Variants in PRKG1 observed in about 807,000 individuals in gnomAD.
PRKG1 encodes the protein cGMP-dependent protein kinase 1.
A neutral mutation model predicts 88.1 loss-of-function variants in PRKG1; 35 were observed. The observed-to-expected ratio is 0.40, with a 90% CI of 0.30 to 0.53. The LOEUF (loss-of-function observed/expected upper bound fraction) is 0.53, where lower values mean the gene tolerates loss of function less well. PRKG1 is among the 20% of genes least tolerant of loss of function. PRKG1 has a pLI of 0.59. For synonymous variants in PRKG1, 303 were observed against 292.5 expected, an observed-to-expected ratio of 1.04 and a Z score of -0.37; for missense variants, 540 against 839.8, an observed-to-expected ratio of 0.64 and a Z score of 4.41.
intron 9 of PRKG1, among the ~76,000 whole-genome samples, chr10:52,178,793 C>G (rs1838935337): frequency 6.6e-6 from 1 of 151,996 alleles, no homozygotes; most frequent in East Asian, 1.9e-4. Flanking sequence ...CTTGTTTTGT[C>G]TGATGTAACT....
intron 5 of PRKG1, among the ~76,000 whole-genome samples, chr10:51,925,943 A>T (rs568988902): frequency 6.6e-6 from 1 of 152,274 alleles, no homozygotes; most frequent in African/African-American, 2.4e-5. Context: ...TACTTTTTAA[A>T]AAATATAAAA....
chr10:51,958,439 G>A (rs1843364982), intron 5 of PRKG1, among the ~76,000 whole-genome samples: 1 of 152,114 alleles, frequency 6.6e-6, no homozygotes, highest in Non-Finnish European at 1.5e-5. Context: ...AAGATTCAGA[G>A]GGATACAGAT....
chr10:51,818,589 A>G (rs1173199666), intron 4 of PRKG1, among the ~76,000 whole-genome samples: 2 of 152,140 alleles, frequency 1.3e-5, no homozygotes, highest in African/African-American at 4.8e-5. Flanking sequence ...ACACTATACA[A>G]TGTGTTTGAT....
At chr10:51,006,631 G>C (rs1372568317) in intron 1 of PRKG1, among the ~76,000 whole-genome samples, 2 of 152,160 alleles carry the variant, frequency 1.3e-5, no homozygotes, top group Non-Finnish European at 2.9e-5. Context: ...CTCTGACATA[G>C]GTCATATTTA....
chr10:51,208,390 G>T (rs1485501838), intron 2 of PRKG1, among the ~76,000 whole-genome samples: 1 of 152,184 alleles, frequency 6.6e-6, no homozygotes, highest in Admixed American at 6.5e-5. Context: ...AGGTTCTGGG[G>T]ATTCATACTG....
At chr10:51,239,482 T>C (rs371417474) in intron 2 of PRKG1, among the ~76,000 whole-genome samples, 2 of 152,158 alleles carry the variant, frequency 1.3e-5, no homozygotes, top group African/African-American at 2.4e-5. Flanking sequence ...AATGGCTAAA[T>C]AGAGGTATTA....
At chr10:51,220,138 A>C (rs984376042) in intron 2 of PRKG1, among the ~76,000 whole-genome samples, 1 of 152,206 alleles carries the variant, frequency 6.6e-6, no homozygotes, top group African/African-American at 2.4e-5. Flanking sequence ...GGAACAATAC[A>C]AGAAGAAATA....
intron 5 of PRKG1, among the ~76,000 whole-genome samples, chr10:52,040,578 GTTATA>G (rs1409226682): frequency 1.3e-5 from 2 of 152,108 alleles, no homozygotes; most frequent in Non-Finnish European, 2.9e-5. Flanking sequence ...ACTCTTAGTC[GTTATA>G]TTATGTTAGT....
chr10:51,473,113 T>C (rs998672865), intron 3 of PRKG1, among the ~76,000 whole-genome samples: 5 of 151,928 alleles, frequency 3.3e-5, no homozygotes, highest in African/African-American at 1.2e-4. Flanking sequence ...TTAGACAATA[T>C]TCTTCTTAGT....
intron 3 of PRKG1, among the ~76,000 whole-genome samples, chr10:51,690,777 T>A (rs1841116739): frequency 6.6e-6 from 1 of 151,554 alleles, no homozygotes; most frequent in African/African-American, 2.4e-5. Flanking sequence ...AATACAAAAA[T>A]TAGCTGGGTG....
chr10:51,304,805 A>G (rs542089918), intron 2 of PRKG1, among the ~76,000 whole-genome samples: 1 of 152,072 alleles, frequency 6.6e-6, no homozygotes, highest in East Asian at 1.9e-4. Flanking sequence ...CCTACAAAGG[A>G]CATGAAATCA....
chr10:51,091,761 T>C (rs917605678), intron 1 of PRKG1, among the ~76,000 whole-genome samples: 8 of 152,154 alleles, frequency 5.3e-5, no homozygotes, highest in African/African-American at 1.4e-4. Flanking sequence ...ACTTACGGTG[T>C]GCAGGCATTC....
chr10:51,370,090 G>A (rs914760568), intron 2 of PRKG1, among the ~76,000 whole-genome samples: 1 of 152,140 alleles, frequency 6.6e-6, no homozygotes, highest in African/African-American at 2.4e-5. Flanking sequence ...ATCAAGGTCA[G>A]AGTGGCTGGA....
At chr10:51,477,389 T>C in intron 3 of PRKG1, among the ~76,000 whole-genome samples, 1 of 150,904 alleles carries the variant, frequency 6.6e-6, no homozygotes, top group East Asian at 1.9e-4. Context: ...ATGGATGGGT[T>C]TAGTGGAGGA....
intron 7 of PRKG1, among the ~76,000 whole-genome samples, chr10:52,126,495 A>G (rs968425903): frequency 3.3e-5 from 5 of 152,034 alleles, no homozygotes; most frequent in African/African-American, 9.7e-5. Flanking sequence ...TGTAATTAAT[A>G]TGCAAAAATA....
chr10:52,269,145 A>G (rs993500399), intron 10 of PRKG1, among the ~76,000 whole-genome samples: 9 of 152,106 alleles, frequency 5.9e-5, no homozygotes, highest in African/African-American at 1.9e-4. Context: ...ACAACTGCAC[A>G]ACAGTCCTCA....
At chr10:52,002,792 G>A (rs1323125667) in intron 5 of PRKG1, among the ~76,000 whole-genome samples, 2 of 152,172 alleles carry the variant, frequency 1.3e-5, no homozygotes, top group Non-Finnish European at 2.9e-5. Flanking sequence ...ATCATCAGCA[G>A]CAGTTTTTTC....
intron 2 of PRKG1, among the ~76,000 whole-genome samples, chr10:51,427,565 A>C (rs1376363032): frequency 6.6e-6 from 1 of 152,210 alleles, no homozygotes; most frequent in Non-Finnish European, 1.5e-5. Context: ...TCAGGCCACA[A>C]CTGGTTGATA....
chr10:51,770,491 G>A (rs1467829455), intron 3 of PRKG1, among the ~76,000 whole-genome samples: 2 of 152,164 alleles, frequency 1.3e-5, no homozygotes, highest in African/African-American at 2.4e-5. Context: ...TAAGACAGGG[G>A]TACCCAACCC....
Sources: allele counts gnomAD v4.1 joint callset (sites outside exome capture counted in the v4.1 genomes callset), GRCh38; gene constraint gnomAD v4.1.1; transcripts MANE v1.5; gene names NCBI Gene and HGNC (gene_info 2026-07-23, HGNC 2026-07-21).